SYNPR: variants seen among roughly 807,000 people sequenced by gnomAD.
SYNPR encodes synaptoporin.
Under a neutral mutation model 32.9 loss-of-function variants are expected in SYNPR, and 23 were observed. That is an observed-to-expected ratio of 0.70 (90% CI 0.50 to 0.99). The LOEUF is 0.99. SYNPR is among the 50% of genes least tolerant of loss of function. SYNPR has a pLI of 0.00. For missense variants in SYNPR, 318 were observed against 349.3 expected (o/e 0.91, Z 0.71); for synonymous variants, 146 against 135.9 (o/e 1.07, Z -0.52).
At chr3:63,566,505 A>G (rs531729999) in intron 4 of SYNPR, among the ~76,000 whole-genome samples, 20 of 152,196 alleles carry the variant, frequency 1.3e-4, no homozygotes, top group Admixed American at 8.5e-4. Flanking sequence ...AGACCCTCTT[A>G]CAGTCGCTAG....
intron 2 of SYNPR, among the ~76,000 whole-genome samples, chr3:63,478,350 A>G (rs987542838): frequency 4.6e-5 from 7 of 152,190 alleles, no homozygotes; most frequent in African/African-American, 1.7e-4. Flanking sequence ...TATATCCTTC[A>G]ATTCCAATTT....
chr3:63,565,301 G>A (rs148557714), intron 4 of SYNPR, among the ~76,000 whole-genome samples: 574 of 152,168 alleles, frequency 3.8e-3, no homozygotes, highest in Middle Eastern at 0.01. Context: ...CCTGAGACTG[G>A]GTAATTTTTA....
intron 2 of SYNPR, among the ~76,000 whole-genome samples, chr3:63,355,108 GTC>G (rs2087559655): frequency 6.6e-6 from 1 of 151,856 alleles, no homozygotes; most frequent in African/African-American, 2.4e-5. Context: ...GTAAAACCCC[GTC>G]TCTACTAAAA....
intron 2 of SYNPR, among the ~76,000 whole-genome samples, chr3:63,378,479 T>C (rs1165800505): frequency 6.6e-6 from 1 of 152,090 alleles, no homozygotes; most frequent in Admixed American, 6.6e-5. Flanking sequence ...CTTTGGTCTA[T>C]TTCTGGGTTC....
In SYNPR at chr3:63,313,974, CATATAT is replaced by C. The variant is rs59736496; in HGVS notation, c.84+35241_84+35246del. 8.9e-3 allele frequency among the ~76,000 whole-genome samples: 19 copies of C among 2,124 alleles called. 5 individuals carry two copies. Among genetic ancestry groups the C allele is most frequent in the South Asian group, 0.061 (4 of 66 alleles). 1.4% of individuals were successfully genotyped at this position (2,124 alleles called of 152,430 possible). On this transcript the variant is annotated intron_variant, in intron 2 of 5. Transcript: ENST00000478300. ...ATATATATATCCATATATATATATCCATATATATATATATCCATATATATATATATC... is the reference window on the plus strand; with the variant it reads ...ATATATATATCCATATATATATATCCATATATATCCATATATATATATATC...
chr3:63,378,493 A>T (rs1460124423), intron 2 of SYNPR, among the ~76,000 whole-genome samples: 2 of 151,902 alleles, frequency 1.3e-5, no homozygotes, highest in African/African-American at 4.8e-5. Context: ...TGGGTTCTCT[A>T]CTGTATTCTA....
chr3:63,381,661 C>CT (rs1325861258), intron 2 of SYNPR, among the ~76,000 whole-genome samples: 1 of 152,178 alleles, frequency 6.6e-6, no homozygotes, highest in Non-Finnish European at 1.5e-5. Context: ...CTTCCAATCT[C>CT]TTTCTTGTAA....
intron 3 of SYNPR, among the ~76,000 whole-genome samples, chr3:63,486,431 A>ATC (rs1178343551): frequency 6.6e-6 from 1 of 152,204 alleles, no homozygotes; most frequent in African/African-American, 2.4e-5. Flanking sequence ...GCAGGACAGA[A>ATC]TCACCCACAG....
intron 2 of SYNPR, among the ~76,000 whole-genome samples, chr3:63,329,751 A>G (rs2087205527): frequency 6.6e-6 from 1 of 152,164 alleles, no homozygotes; most frequent in African/African-American, 2.4e-5. Flanking sequence ...AACTTTCTCA[A>G]GTAAAGCTAG....
chr3:63,388,143 C>A (rs1429665263), intron 2 of SYNPR, among the ~76,000 whole-genome samples: 1 of 151,996 alleles, frequency 6.6e-6, no homozygotes, highest in East Asian at 1.9e-4. Context: ...TGTGGGTTGT[C>A]CGAGGAAGAG....
intron 2 of SYNPR, among the ~76,000 whole-genome samples, chr3:63,395,212 A>C (rs2088196123): frequency 6.6e-6 from 1 of 152,164 alleles, no homozygotes; most frequent in Non-Finnish European, 1.5e-5. Flanking sequence ...CTCTGCCTAA[A>C]CCAAAAGGTT....
intron 2 of SYNPR, among the ~76,000 whole-genome samples, chr3:63,311,022 A>C (rs2086958528): frequency 6.8e-6 from 1 of 147,472 alleles, no homozygotes; most frequent in Non-Finnish European, 1.5e-5. Flanking sequence ...TATCCTTCCC[A>C]CATTTTTCAA....
chr3:63,610,332 G>A (rs770601031), intron 5 of SYNPR: 35 of 445,538 alleles, frequency 7.9e-5, no homozygotes, highest in Non-Finnish European at 1.2e-4. Context: ...AGCTGTATCT[G>A]AGAAATACAT....
intron 4 of SYNPR, among the ~76,000 whole-genome samples, chr3:63,602,645 C>T (rs1476257754): frequency 1.3e-5 from 2 of 152,130 alleles, no homozygotes; most frequent in East Asian, 3.8e-4. Context: ...TGTCAAAGAT[C>T]AGATGGTTGT....
In SYNPR at chr3:63,409,547, G is replaced by A. The variant is rs541169119; in HGVS notation, c.85-71285G>A. Reference sequence around the variant, plus strand: ...TGTCTTGCCACCATGAAGATGTACAGTGAGGACCATGGTGGTCAAGTTCTC... The same window carrying A: ...TGTCTTGCCACCATGAAGATGTACAATGAGGACCATGGTGGTCAAGTTCTC... On this transcript the variant is annotated intron_variant, in intron 2 of 5. Transcript: ENST00000478300. Among the ~76,000 whole-genome samples the A allele has an allele frequency of 4.6e-5, 7 of 152,236 alleles. No individual in the cohort carries two copies. In the East Asian group the frequency reaches 1.4e-3, roughly 29 times the overall value.
At chr3:63,233,049 A>G (rs927720103) in intron 1 of SYNPR, among the ~76,000 whole-genome samples, 1 of 152,180 alleles carries the variant, frequency 6.6e-6, no homozygotes, top group Non-Finnish European at 1.5e-5. Context: ...TTCACAGGAC[A>G]GAAGTAAGGA....
chr3:63,609,041 A>C (rs2106903599), intron 4 of SYNPR, 84 bp from the exon 5 acceptor site: 1 of 1,447,338 alleles, frequency 6.9e-7, no homozygotes, highest in South Asian at 1.4e-5. Flanking sequence ...CAAAAGGCAA[A>C]CCAAATAGTT....
At chr3:63,393,211 T>C (rs920965039) in intron 2 of SYNPR, among the ~76,000 whole-genome samples, 2 of 152,206 alleles carry the variant, frequency 1.3e-5, no homozygotes, top group Admixed American at 6.5e-5. Flanking sequence ...CCCCCAATGA[T>C]GAATATCTAA....
intron 2 of SYNPR, among the ~76,000 whole-genome samples, chr3:63,352,069 G>T (rs2087517273): frequency 6.6e-6 from 1 of 152,072 alleles, no homozygotes; most frequent in Admixed American, 6.5e-5. Context: ...TGGAGGGAGT[G>T]CCAGGCTGAG....
Sources: gnomAD v4.1 joint callset for allele counts (sites outside exome capture counted in the v4.1 genomes callset) on GRCh38, gnomAD v4.1.1 for gene constraint, MANE v1.5 for transcripts, NCBI Gene and HGNC (gene_info 2026-07-23, HGNC 2026-07-21) for gene names.